Variants in VAX2 observed in about 807,000 individuals in gnomAD.
The protein encoded by VAX2 is ventral anterior homeobox 2.
Under a neutral mutation model 12.5 loss-of-function variants are expected in VAX2, and 8 were observed. That is an observed-to-expected ratio of 0.64 (90% CI 0.37 to 1.15). The LOEUF (loss-of-function observed/expected upper bound fraction) is 1.15. VAX2 is among the 50% of genes most tolerant of loss of function. VAX2 has a pLI of 0.01. For missense variants in VAX2, 476 were observed against 412.9 expected, an observed-to-expected ratio of 1.15 and a Z score of -1.32; for synonymous variants, 183 against 187.6, an observed-to-expected ratio of 0.98 and a Z score of 0.20.
chr2:70,925,811 G>A (rs1410257529), intron 2 of VAX2, among the ~76,000 whole-genome samples: 38 of 152,180 alleles, frequency 2.5e-4, no homozygotes, highest in Non-Finnish European at 1.5e-5. Context: ...TTCAGCACCA[G>A]CTACTCACAG....
chr2:70,923,065 T>C (rs1553413065), intron 2 of VAX2, among the ~76,000 whole-genome samples: 1 of 152,006 alleles, frequency 6.6e-6, no homozygotes, highest in Admixed American at 6.6e-5. Flanking sequence ...ATGTGTGTGG[T>C]GTTGGATGTC....
rs3821249 is a variant in VAX2 at position 70,904,155 on chromosome 2, C to A, written c.247+3287C>A. Among the ~76,000 whole-genome samples, 1 of 152,260 alleles carries A rather than the reference C, an allele frequency of 6.6e-6. No individual in the cohort carries two copies. The highest frequency in any genetic ancestry group is 1.9e-4 in the East Asian group (1 of 5,170). ...ACCCTAAGGCCTGAGAAGGCCGCTC[C>A]ACACCTCCGCGTGCACAGTCCCTAG... On this transcript the variant is annotated intron_variant, in intron 1 of 2. Transcript: ENST00000234392. The surrounding 1 kb of genome is among the most constrained non-coding windows in gnomAD (Gnocchi z 4.2).
At chr2:70,916,695 G>A (rs1288470036) in intron 1 of VAX2, among the ~76,000 whole-genome samples, 7 of 151,984 alleles carry the variant, frequency 4.6e-5, no homozygotes, top group African/African-American at 9.7e-5. Context: ...TGTTTCAATC[G>A]TTCTTCCTTT....
At chr2:70,915,878 T>C (rs1679297319) in intron 1 of VAX2, among the ~76,000 whole-genome samples, 1 of 152,172 alleles carries the variant, frequency 6.6e-6, no homozygotes, top group South Asian at 2.1e-4. Flanking sequence ...CATGCAGTCA[T>C]TTGAGTCCCA....
chr2:70,917,122 G>A (rs1679321912), intron 1 of VAX2, among the ~76,000 whole-genome samples: 1 of 139,998 alleles, frequency 7.1e-6, no homozygotes, highest in Admixed American at 7.5e-5. Context: ...CTGCACTCCA[G>A]CCTGGGCAAC....
At chr2:70,928,503 T>C (rs1679621581) in intron 2 of VAX2, among the ~76,000 whole-genome samples, 1 of 151,990 alleles carries the variant, frequency 6.6e-6, no homozygotes, top group African/African-American at 2.4e-5. Flanking sequence ...CTCTGACTTC[T>C]CCTCTCCTAG....
intron 1 of VAX2, among the ~76,000 whole-genome samples, chr2:70,902,794 A>G (rs1474654145): frequency 6.6e-6 from 1 of 152,268 alleles, no homozygotes; most frequent in African/African-American, 2.4e-5. Flanking sequence ...ATCCACAGCC[A>G]GGCAGAGATG....
chr2:70,906,520 CTTT>C (rs869309305), intron 1 of VAX2, among the ~76,000 whole-genome samples: 406 of 60,580 alleles, frequency 6.7e-3, no homozygotes, highest in African/African-American at 0.029. Flanking sequence ...TTTTCTTTTC[CTTT>C]TTTTTTTTTT....
intron 1 of VAX2, among the ~76,000 whole-genome samples, chr2:70,906,520 CTTTTTTTTTTTTT>C: frequency 1.7e-5 from 1 of 60,596 alleles, no homozygotes; most frequent in East Asian, 5.7e-4. Flanking sequence ...TTTTCTTTTC[CTTTTTTTTTTTTT>C]TTTTTTTTTT....
At chr2:70,912,204 G>A (rs1572889989) in intron 1 of VAX2, among the ~76,000 whole-genome samples, 1 of 152,120 alleles carries the variant, frequency 6.6e-6, no homozygotes, top group Non-Finnish European at 1.5e-5. Flanking sequence ...TTTGCTGTGT[G>A]GTAATGCAAG....
chr2:70,912,726 G>T (rs1679216865), intron 1 of VAX2, among the ~76,000 whole-genome samples: 2 of 152,130 alleles, frequency 1.3e-5, no homozygotes, highest in African/African-American at 2.4e-5. Flanking sequence ...GGTAGGAAAA[G>T]AAGTGAGATA....
intron 1 of VAX2, among the ~76,000 whole-genome samples, chr2:70,901,797 C>A (rs1404701833): frequency 6.6e-6 from 1 of 152,214 alleles, no homozygotes; most frequent in Non-Finnish European, 1.5e-5. Flanking sequence ...TCAGCCCGAC[C>A]CCAGGCCGCG....
At chr2:70,920,295 C>A (rs1553412620) in intron 1 of VAX2, among the ~76,000 whole-genome samples, 1 of 152,114 alleles carries the variant, frequency 6.6e-6, no homozygotes, top group African/African-American at 2.4e-5. Flanking sequence ...TCATCTCCAC[C>A]CCTGTAGTTA....
chr2:70,924,831 C>T (rs541908348), intron 2 of VAX2, among the ~76,000 whole-genome samples: 2 of 152,240 alleles, frequency 1.3e-5, no homozygotes, highest in South Asian at 4.2e-4. Flanking sequence ...CAGCTAAGAT[C>T]CACAGAGACA....
At chr2:70,903,855 C>T (rs1678988539) in intron 1 of VAX2, among the ~76,000 whole-genome samples, 1 of 152,160 alleles carries the variant, frequency 6.6e-6, no homozygotes, top group Non-Finnish European at 1.5e-5. Flanking sequence ...GTTAAGAAGC[C>T]ACTAATGGTA....
intron 1 of VAX2, among the ~76,000 whole-genome samples, chr2:70,906,520 C>CTTTTTTTTTTTTTTTTTTTTTT (rs869309305): frequency 1.7e-5 from 1 of 60,596 alleles, no homozygotes; most frequent in Non-Finnish European, 2.7e-5. Flanking sequence ...TTTTCTTTTC[C>CTTTTTTTTTTTTTTTTTTTTTT]TTTTTTTTTT....
chr2:70,914,727 G>T (rs1553411700), intron 1 of VAX2, among the ~76,000 whole-genome samples: 1 of 151,716 alleles, frequency 6.6e-6, no homozygotes, highest in African/African-American at 2.4e-5. Flanking sequence ...ATGTTTATTG[G>T]CCATTTAGCT....
chr2:70,920,394 G>T (rs1413286684), intron 1 of VAX2, among the ~76,000 whole-genome samples: 5 of 152,130 alleles, frequency 3.3e-5, no homozygotes, highest in Admixed American at 3.3e-4. Context: ...GAGGCCCTCT[G>T]TGCGGAGGGC....
At chr2:70,917,151 CAAA>C (rs55909927) in intron 1 of VAX2, among the ~76,000 whole-genome samples, 5 of 82,674 alleles carry the variant, frequency 6.0e-5, no homozygotes, top group African/African-American at 2.1e-4. Flanking sequence ...AACTCTGTCT[CAAA>C]AAAAAAAAAA....
Sources: allele counts gnomAD v4.1 joint callset (sites outside exome capture counted in the v4.1 genomes callset), GRCh38; gene constraint gnomAD v4.1.1; non-coding constraint Gnocchi (gnomAD v3.1); transcripts MANE v1.5; gene names NCBI Gene and HGNC (gene_info 2026-07-23, HGNC 2026-07-21).